The following PCDHGB4 variants were observed in gnomAD, a reference collection of about 807,000 sequenced individuals.
PCDHGB4 encodes protocadherin gamma-B4.
A neutral mutation model predicts 60.5 loss-of-function variants in PCDHGB4; 38 were observed. That is an observed-to-expected ratio of 0.63 (90% CI 0.48 to 0.82). The LOEUF (loss-of-function observed/expected upper bound fraction) is 0.82. Ranked by LOEUF, PCDHGB4 falls within the 40% of genes least tolerant of loss-of-function variation. The probability of loss-of-function intolerance (pLI) is 0.00; values close to 1 mark genes in which losing one functional copy is unlikely to be tolerated. For missense variants in PCDHGB4, 1,109 were observed against 1,209.6 expected, an observed-to-expected ratio of 0.92 and a Z score of 1.23; for synonymous variants, 456 against 509.7, an observed-to-expected ratio of 0.89 and a Z score of 1.42.
chr5:141,482,747 G>T lies in PCDHGB4; in HGVS notation c.2398-12060G>T, dbSNP rs182945398. On this transcript the variant is annotated intron_variant, in intron 1 of 3. Transcript: ENST00000519479. ...CATTGCAAGAAATTCCATGCAGAGG[G>T]ATTATGGTATTTCATTATCACTGAA... Among the ~76,000 whole-genome samples, 567 of 128,410 alleles carry T rather than the reference G, an allele frequency of 4.4e-3. 2 individuals carry two copies. The highest frequency in any genetic ancestry group is 0.019 in the African/African-American group (533 of 28,666). The allele number at this position is 128,410 out of a possible 152,430, so 84.2% of individuals were successfully genotyped here. A position where few individuals can be genotyped will look rare whatever the true frequency, so the allele number is the denominator to read the frequency against.
intron 1 of PCDHGB4, chr5:141,409,784 T>G: frequency 3.1e-6 from 5 of 1,612,248 alleles, no homozygotes; most frequent in Non-Finnish European, 4.2e-6. Flanking sequence ...GCTGCGCGCC[T>G]TCGCGCTCAC....
Position 141,421,313 on chromosome 5 carries a change from C to T in PCDHGB4, c.2397+31032C>T, listed in dbSNP as rs201429116. 461 of 1,613,716 alleles carry T rather than the reference C, an allele frequency of 2.9e-4. No homozygotes were observed. Among genetic ancestry groups the T allele is most frequent in the Non-Finnish European group, 3.7e-4 (436 of 1,179,850 alleles). On this transcript the variant is annotated intron_variant, in intron 1 of 3. Coordinates refer to ENST00000519479, the MANE Select transcript of PCDHGB4 (RefSeq NM_003736.4). ...CTGGGGACGCTGCGGGGGTTCCGGGCCAGGCAGATCCGATATTCGGTGCCA... is the reference window on the plus strand; with the variant it reads ...CTGGGGACGCTGCGGGGGTTCCGGGTCAGGCAGATCCGATATTCGGTGCCA...
chr5:141,478,672 A>G (rs1216792401), intron 1 of PCDHGB4: 22 of 1,551,540 alleles, frequency 1.4e-5, no homozygotes, highest in Admixed American at 2.0e-5. Flanking sequence ...CACACTTTCA[A>G]CTGGCCCTTC....
In PCDHGB4 at chr5:141,477,963, A is replaced by C; in HGVS notation, c.2398-16844A>C. ...TACAGTCTCTTGGGATCCCCTAACC[A>C]GAGCCTTTTTGCCATAGGGCTGCAC... On this transcript the variant is annotated intron_variant, in intron 1 of 3. Coordinates refer to ENST00000519479, the MANE Select transcript of PCDHGB4 (RefSeq NM_003736.4). The surrounding 1 kb of genome is among the most constrained non-coding windows in gnomAD (Gnocchi z 4.9). The C allele has an allele frequency of 1.2e-6, 2 of 1,614,118 alleles. No individual in the cohort carries two copies. The highest frequency in any genetic ancestry group is 1.7e-6 in the Non-Finnish European group (2 of 1,180,024).
At chr5:141,418,572 A>G (rs777784393) in intron 1 of PCDHGB4, 5 of 1,613,794 alleles carry the variant, frequency 3.1e-6, no homozygotes, top group Non-Finnish European at 4.2e-6. Flanking sequence ...GCCAATGACA[A>G]CCCCCCAGTG....
At chr5:141,420,001 C>T in intron 1 of PCDHGB4, 1 of 1,614,084 alleles carries the variant, frequency 6.2e-7, no homozygotes, top group Non-Finnish European at 8.5e-7. Flanking sequence ...TTGCTCTACG[C>T]CTGCGACAGT....
In PCDHGB4 at chr5:141,404,546, G is replaced by A. The variant is rs753308273; in HGVS notation, c.2397+14265G>A. 11 of 1,613,800 alleles carry A rather than the reference G, an allele frequency of 6.8e-6. No individual in the cohort carries two copies. In the East Asian group the frequency reaches 2.2e-4, roughly 33 times the overall value. ...GCAGTTTAGAGATTTGCAAATGCAGGTGACGGCAAGTGACAGTGGAAGCCC... is the reference window on the plus strand; with the variant it reads ...GCAGTTTAGAGATTTGCAAATGCAGATGACGGCAAGTGACAGTGGAAGCCC... On this transcript the variant is annotated intron_variant, in intron 1 of 3. Transcript: ENST00000519479.
At chr5:141,414,733 G>A (rs768741206) in intron 1 of PCDHGB4, 2 of 1,614,174 alleles carry the variant, frequency 1.2e-6, no homozygotes. Flanking sequence ...CGTCCTGTAT[G>A]CACTCAGATC....
intron 1 of PCDHGB4, chr5:141,404,452 T>G (rs1197188094): frequency 2.5e-6 from 4 of 1,613,228 alleles, no homozygotes; most frequent in Non-Finnish European, 3.4e-6. Context: ...AAGGGTCTCC[T>G]CTCTCCACCT....
chr5:141,437,715 C>T (rs2097903335), intron 1 of PCDHGB4, among the ~76,000 whole-genome samples: 1 of 151,772 alleles, frequency 6.6e-6, no homozygotes, highest in Non-Finnish European at 1.5e-5. Context: ...ACACAGTTAC[C>T]CTCTAATGTT....
intron 1 of PCDHGB4, chr5:141,413,935 A>T: frequency 6.2e-7 from 1 of 1,613,372 alleles, no homozygotes; most frequent in Non-Finnish European, 8.5e-7. Flanking sequence ...ATACCGAGTG[A>T]GTGTTCCTGA....
intron 1 of PCDHGB4, among the ~76,000 whole-genome samples, chr5:141,447,978 C>T (rs759162070): frequency 1.1e-4 from 17 of 151,694 alleles, no homozygotes; most frequent in East Asian, 3.9e-4. Flanking sequence ...CCCAGCTACT[C>T]GGGAGGCTGA....
intron 1 of PCDHGB4, chr5:141,402,858 G>A: frequency 1.4e-6 from 2 of 1,427,466 alleles, no homozygotes; most frequent in Admixed American, 2.9e-5. Context: ...TTTCTTCTAA[G>A]GAAAAGATCA....
At chr5:141,410,364 C>A in intron 1 of PCDHGB4, 1 of 1,614,064 alleles carries the variant, frequency 6.2e-7, no homozygotes, top group Non-Finnish European at 8.5e-7. Flanking sequence ...TCTCTCAGCC[C>A]TGCTACTTGG....
rs2095935492 is a variant in PCDHGB4 at position 141,415,755 on chromosome 5, T to TG, written c.2397+25474_2397+25475insG. ...GTTTATTAAGGTTTTTTTTTTTTTT[T>TG]TTTTTTTTTTTTTTTTTACTTTCTG... On this transcript the variant is annotated intron_variant, in intron 1 of 3. Coordinates refer to ENST00000519479, the MANE Select transcript of PCDHGB4 (RefSeq NM_003736.4). 10 of 1,387,646 alleles carry TG rather than the reference T, an allele frequency of 7.2e-6. No individual in the cohort carries two copies. The African/African-American group carries it at 1.4e-4, about 19-fold the overall frequency. The allele number at this position is 1,387,646 out of a possible 1,614,324, so 86.0% of individuals were successfully genotyped here.
chr5:141,494,749 G>C (rs573811540), intron 1 of PCDHGB4, 58 bp from the exon 2 acceptor site: 3 of 1,612,818 alleles, frequency 1.9e-6, no homozygotes, highest in South Asian at 2.2e-5. Context: ...CTAGGGGCTC[G>C]GGTGACATTC....
intron 1 of PCDHGB4, among the ~76,000 whole-genome samples, chr5:141,452,284 C>G (rs1182155879): frequency 6.6e-6 from 1 of 152,112 alleles, no homozygotes; most frequent in Non-Finnish European, 1.5e-5. Context: ...TTCTTACTTT[C>G]TGATATAAGA....
Position 141,389,743 on chromosome 5 carries a change from G to T in PCDHGB4, c.1859G>T (p.Arg620Leu). ...CCCGGGCTCTTCAGCCTGGGGCTGC[G>T]CACGGGCGAAGTGCGCACAGCGCGT... ...SEPGLFSLGL[R>L]TGEVRTARAL... The change falls in exon 1 of 4, where the codon CGC (arginine) becomes CTC (leucine). Residue 620 changes from arginine (R) to leucine (L), a missense_variant. By Grantham distance (102) the Arg-to-Leu change is moderately radical (BLOSUM62 -2). This residue lies in a region of PCDHGB4 where 1,068 missense variants were observed against 1,089.9 expected (regional missense o/e 0.98). Transcript: ENST00000519479. 5.0e-6 allele frequency: 8 copies of T among 1,612,624 alleles called. No homozygotes were observed. Among genetic ancestry groups the T allele is most frequent in the Non-Finnish European group, 6.8e-6 (8 of 1,179,702 alleles).
chr5:141,422,546 G>T, intron 1 of PCDHGB4: 2 of 1,613,972 alleles, frequency 1.2e-6, no homozygotes, highest in South Asian at 2.2e-5. Flanking sequence ...ACTCATGTCT[G>T]GCTGAATGTG....
Sources: allele counts gnomAD v4.1 joint callset (sites outside exome capture counted in the v4.1 genomes callset), GRCh38; gene constraint gnomAD v4.1.1; regional missense constraint gnomAD v4.1.1; non-coding constraint Gnocchi (gnomAD v3.1); transcripts MANE v1.5; gene names NCBI Gene and HGNC (gene_info 2026-07-23, HGNC 2026-07-21).